Variants in ZMAT1 observed in about 807,000 individuals in gnomAD.
ZMAT1 encodes the protein zinc finger matrin-type protein 1.
In ZMAT1, 11 loss-of-function variants were observed where a neutral mutation model predicts 18.5. That is an observed-to-expected ratio of 0.59 (90% CI 0.37 to 0.98). The LOEUF (loss-of-function observed/expected upper bound fraction) is 0.98. Ranked by LOEUF, ZMAT1 falls within the 50% of genes least tolerant of loss-of-function variation. The pLI, the probability that ZMAT1 is intolerant of heterozygous loss-of-function variation, is 0.01. For missense variants in ZMAT1, 525 were observed against 496.2 expected (o/e 1.06, Z -0.55); for synonymous variants, 211 against 176.4 (o/e 1.20, Z -1.55).
chrX:101,882,532 C>A lies in ZMAT1; in HGVS notation c.*978G>T. 9.0e-6 allele frequency: 1 copy of A among 111,194 alleles called. No homozygotes were observed. Among genetic ancestry groups the A allele is most frequent in the East Asian group, 2.8e-4 (1 of 3,527 alleles). 9.2% of individuals were successfully genotyped at this position (111,194 alleles called of 1,213,427 possible). A position where few individuals can be genotyped will look rare whatever the true frequency, so the allele number is the denominator to read the frequency against. On this transcript the variant is annotated 3_prime_UTR_variant, in exon 6 of 6. Coordinates refer to ENST00000651725, the MANE Select transcript of ZMAT1 (RefSeq NM_001394560.1). ...GCTGAGACACATAAACACAGAAAAACAACAATAAAATACCACCAACACTAA... is the reference window on the plus strand; with the variant it reads ...GCTGAGACACATAAACACAGAAAAAAAACAATAAAATACCACCAACACTAA...
At chrX:101,929,411 TATAGAGAG>T (rs1458034870) in intron 1 of ZMAT1, among the ~76,000 whole-genome samples, 1 of 67,047 alleles carries the variant, frequency 1.5e-5, no homozygotes, top group African/African-American at 5.3e-5. Flanking sequence ...ATATTCTATA[TATAGAGAG>T]AGATTATATA....
At chrX:101,919,624 G>A (rs1351892247) in intron 1 of ZMAT1, among the ~76,000 whole-genome samples, 3 of 111,768 alleles carry the variant, frequency 2.7e-5, no homozygotes, top group Non-Finnish European at 5.6e-5. Flanking sequence ...AGTGTTATAA[G>A]ACACAAGAAG....
chrX:101,902,340 C>T (rs1928297953), intron 2 of ZMAT1, among the ~76,000 whole-genome samples: 2 of 111,305 alleles, frequency 1.8e-5, no homozygotes, highest in Admixed American at 9.6e-5. Context: ...ACGAATCCTT[C>T]GTTAGTTATA....
chrX:101,897,726 G>C, intron 4 of ZMAT1, 142 bp downstream of exon 4: 1 of 490,667 alleles, frequency 2.0e-6, no homozygotes, highest in South Asian at 4.4e-5. Flanking sequence ...GACAGACACA[G>C]AGATTAACTG....
intron 1 of ZMAT1, among the ~76,000 whole-genome samples, chrX:101,929,456 T>TATATATATAC (rs1161232053): frequency 5.8e-5 from 5 of 85,495 alleles, no homozygotes; most frequent in African/African-American, 8.4e-5. Context: ...TATATATATA[T>TATATATATAC]ACACACAGAG....
At chrX:101,899,952 C>G (rs1314978178) in intron 2 of ZMAT1, among the ~76,000 whole-genome samples, 1 of 111,851 alleles carries the variant, frequency 8.9e-6, no homozygotes, top group African/African-American at 3.3e-5. Flanking sequence ...TTCACCACAT[C>G]CACGCCAACA....
chrX:101,906,452 G>A (rs1320833960), intron 1 of ZMAT1, among the ~76,000 whole-genome samples: 1 of 109,060 alleles, frequency 9.2e-6, no homozygotes, highest in Non-Finnish European at 1.9e-5. Flanking sequence ...GGCCCCAAGA[G>A]GCTGGTACCC....
intron 2 of ZMAT1, among the ~76,000 whole-genome samples, chrX:101,901,550 C>T (rs1167833352): frequency 9.0e-6 from 1 of 111,544 alleles, no homozygotes; most frequent in East Asian, 2.8e-4. Flanking sequence ...TCAGTTTTAA[C>T]ACTTTGTTGC....
intron 4 of ZMAT1, chrX:101,894,694 A>G: frequency 1.4e-6 from 1 of 732,733 alleles, no homozygotes; most frequent in Non-Finnish European, 1.6e-6. Context: ...AGAAAACAAA[A>G]AAGAAACAGA....
chrX:101,930,566 G>A (rs1930416316), intron 1 of ZMAT1, among the ~76,000 whole-genome samples: 1 of 112,222 alleles, frequency 8.9e-6, no homozygotes, highest in African/African-American at 3.2e-5. Flanking sequence ...GTGAAGAAGA[G>A]ATTATTTTTA....
intron 4 of ZMAT1, 121 bp downstream of exon 4, chrX:101,897,747 T>C: frequency 3.6e-6 from 2 of 556,814 alleles, no homozygotes; most frequent in Non-Finnish European, 2.8e-6. Flanking sequence ...GGAAGAAGAA[T>C]AATAATCAAG....
chrX:101,929,515 A>G (rs1420606733), intron 1 of ZMAT1, among the ~76,000 whole-genome samples: 2 of 103,169 alleles, frequency 1.9e-5, no homozygotes, highest in South Asian at 4.5e-4. Flanking sequence ...TTTGAGGCCT[A>G]ATAGTGTTTC....
chrX:101,905,735 C>T (rs1490101165), intron 1 of ZMAT1, among the ~76,000 whole-genome samples: 2 of 111,200 alleles, frequency 1.8e-5, no homozygotes, highest in Non-Finnish European at 3.8e-5. Context: ...TTAATTTTTG[C>T]AGAAAAGAAT....
intron 4 of ZMAT1, 98 bp downstream of exon 4, chrX:101,897,770 G>C: frequency 1.5e-6 from 1 of 684,816 alleles, no homozygotes; most frequent in Middle Eastern, 3.3e-4. Flanking sequence ...ATTTCAACTG[G>C]GGTGAAAGTC....
At chrX:101,891,257 GA>G (rs2147591255) in intron 4 of ZMAT1, among the ~76,000 whole-genome samples, 1 of 111,752 alleles carries the variant, frequency 8.9e-6, no homozygotes, top group African/African-American at 3.2e-5. Context: ...TTGGGGAGAG[GA>G]AAGAATCTAG....
intron 4 of ZMAT1, among the ~76,000 whole-genome samples, chrX:101,893,085 G>A (rs1055477285): frequency 2.7e-5 from 3 of 111,895 alleles, no homozygotes; most frequent in African/African-American, 9.7e-5. Flanking sequence ...AGAGGCTAAT[G>A]TAAAGTGATT....
chrX:101,904,443 G>T, intron 1 of ZMAT1, 113 bp from the exon 2 acceptor site: 1 of 550,177 alleles, frequency 1.8e-6, no homozygotes, highest in Middle Eastern at 5.5e-4. Flanking sequence ...TTGAGTGCTT[G>T]TGAGGCTACA....
chrX:101,918,227 T>G (rs1240585653), intron 1 of ZMAT1, among the ~76,000 whole-genome samples: 2 of 111,314 alleles, frequency 1.8e-5, no homozygotes, highest in African/African-American at 6.5e-5. Context: ...GATACCCCAT[T>G]CTTCATGATG....
chrX:101,895,476 T>C (rs1314010041), intron 4 of ZMAT1, among the ~76,000 whole-genome samples: 1 of 111,156 alleles, frequency 9.0e-6, no homozygotes, highest in Non-Finnish European at 1.9e-5. Context: ...ATTCTATGAT[T>C]CCATGAATAC....
Sources: gnomAD v4.1 joint callset for allele counts (sites outside exome capture counted in the v4.1 genomes callset) on GRCh38, gnomAD v4.1.1 for gene constraint, MANE v1.5 for transcripts, NCBI Gene and HGNC (gene_info 2026-07-23, HGNC 2026-07-21) for gene names.